The following SPHKAP variants were observed in gnomAD, a reference collection of about 807,000 sequenced individuals.
SPHKAP encodes A-kinase anchor protein SPHKAP.
A neutral mutation model predicts 137.5 loss-of-function variants in SPHKAP; 67 were observed. The ratio of observed to expected loss-of-function variants is 0.49; its 90% confidence interval spans 0.40 to 0.60. The LOEUF (loss-of-function observed/expected upper bound fraction) is 0.60. Ranked by LOEUF, SPHKAP falls within the 20% of genes least tolerant of loss-of-function variation. SPHKAP has a pLI of 0.00. For synonymous variants in SPHKAP, 813 were observed against 785.3 expected, an observed-to-expected ratio of 1.04 and a Z score of -0.59; for missense variants, 2,097 against 2,069.3, an observed-to-expected ratio of 1.01 and a Z score of -0.26.
chr2:228,030,536 C>CAAAAAACAAAAAAAAAAAAAAAAAAAAA, intron 3 of SPHKAP, among the ~76,000 whole-genome samples: 1 of 41,894 alleles, frequency 2.4e-5, no homozygotes. Context: ...AAAAAAACAA[C>CAAAAAACAAAAAAAAAAAAAAAAAAAAA]AAAAAACAAA....
chr2:228,106,674 C>T (rs1250936498), intron 3 of SPHKAP, among the ~76,000 whole-genome samples: 2 of 152,100 alleles, frequency 1.3e-5, no homozygotes, highest in African/African-American at 4.8e-5. Context: ...AGCTATTTTG[C>T]TCATGAATTC....
chr2:227,992,216 T>C (rs1693440024), intron 9 of SPHKAP, among the ~76,000 whole-genome samples: 1 of 152,252 alleles, frequency 6.6e-6, no homozygotes, highest in Non-Finnish European at 1.5e-5. Flanking sequence ...GATTCTCTCA[T>C]TCTGCTACTG....
At chr2:228,096,179 T>G (rs1462960287) in intron 3 of SPHKAP, among the ~76,000 whole-genome samples, 1 of 152,140 alleles carries the variant, frequency 6.6e-6, no homozygotes, top group Non-Finnish European at 1.5e-5. Flanking sequence ...AGCATTCTAA[T>G]GAAACCGGGA....
Position 227,991,331 on chromosome 2 carries a change from G to C in SPHKAP, c.4722-5C>G, listed in dbSNP as rs762758247. The C allele has an allele frequency of 3.7e-6, 6 of 1,613,976 alleles. No individual in the cohort carries two copies. In the East Asian group the frequency reaches 6.7e-5, roughly 18 times the overall value. ...TTCTTTTCTTCTACTAATTCACTTTGGGAGAAAACAACAGTATATGGTTGG... is the reference window on the plus strand; with the variant it reads ...TTCTTTTCTTCTACTAATTCACTTTCGGAGAAAACAACAGTATATGGTTGG... On this transcript the variant is annotated splice_region_variant and splice_polypyrimidine_tract_variant and intron_variant, in intron 9 of 11. Transcript: ENST00000392056.
In SPHKAP at chr2:228,156,709, G is replaced by A. The variant is rs187674645; in HGVS notation, c.33-24624C>T. On this transcript the variant is annotated intron_variant, in intron 1 of 11. Coordinates refer to ENST00000392056, the MANE Select transcript of SPHKAP (RefSeq NM_001142644.2). ...GTGTTGTGGGAGGGACCCTGTGAGA[G>A]GTAATTGAATCATGGGAGTAGGTCT... 3.5e-4 allele frequency among the ~76,000 whole-genome samples: 54 copies of A among 152,248 alleles called. No individual in the cohort carries two copies. The East Asian group carries it at 9.1e-3, about 26-fold the overall frequency.
intron 3 of SPHKAP, among the ~76,000 whole-genome samples, chr2:228,088,659 A>C (rs1218452031): frequency 6.6e-6 from 1 of 152,194 alleles, no homozygotes; most frequent in Non-Finnish European, 1.5e-5. Flanking sequence ...CATGGAGGTG[A>C]ATCCCTCATG....
chr2:228,016,781 C>G lies in SPHKAP; in HGVS notation c.4073G>C (p.Ser1358Thr). 1 of 1,614,100 alleles carries G rather than the reference C, an allele frequency of 6.2e-7. No homozygotes were observed. Among genetic ancestry groups the G allele is most frequent in the Non-Finnish European group, 8.5e-7 (1 of 1,180,010 alleles). ...ANRLAASRMCSGPTLLVQESL... is the reference protein window; with the variant it reads ...ANRLAASRMCTGPTLLVQESL... ...CTCCTGAACAAGCAGAGTTGGCCCA[C>G]TGCACATCCTGCTCGCAGCTAATCT... The change falls in exon 7 of 12, where the codon AGT becomes ACT. Residue 1358 changes from serine to threonine, a missense_variant. Transcript: ENST00000392056.
chr2:228,001,537 A>G (rs1390470441), intron 7 of SPHKAP, among the ~76,000 whole-genome samples: 1 of 144,986 alleles, frequency 6.9e-6, no homozygotes, highest in African/African-American at 2.5e-5. Context: ...ACATATATAT[A>G]AAAATATACA....
intron 3 of SPHKAP, among the ~76,000 whole-genome samples, chr2:228,102,793 A>ACT (rs1698219320): frequency 6.6e-6 from 1 of 152,008 alleles, no homozygotes; most frequent in African/African-American, 2.4e-5. Context: ...CCCCGGCTGG[A>ACT]GTGCAATGGT....
chr2:228,038,907 G>A lies in SPHKAP; in HGVS notation c.247-11364C>T, dbSNP rs147166689. ...CTTCCCATAAAGGTACAGGGAATAC[G>A]TACAGAAGCTACAGGAGAATTAAAT... On this transcript the variant is annotated intron_variant, in intron 3 of 11. Transcript: ENST00000392056. Among the ~76,000 whole-genome samples, 562 of 152,304 alleles carry A rather than the reference G, an allele frequency of 3.7e-3. 8 individuals carry two copies. Among genetic ancestry groups the A allele is most frequent in the East Asian group, 0.034 (178 of 5,180 alleles).
chr2:228,017,869 G>C lies in SPHKAP; in HGVS notation c.2985C>G (p.His995Gln). 1 of 1,613,994 alleles carries C rather than the reference G, an allele frequency of 6.2e-7. No homozygotes were observed. The highest frequency in any genetic ancestry group is 8.5e-7 in the Non-Finnish European group (1 of 1,179,994). Residue 995 changes from histidine (H) to glutamine (Q), a missense_variant, in exon 7 of 12, where the codon CAC becomes CAG. Transcript: ENST00000392056. ...SQGSGTAVRK[H>Q]KPPRLSEIKR... is the part of the protein sequence containing the mutation. Reference sequence around the variant, plus strand: ...TGATCTCACTGAGCCGGGGAGGCTTGTGTTTCCTCACAGCGGTCCCGCTCC... The same window carrying C: ...TGATCTCACTGAGCCGGGGAGGCTTCTGTTTCCTCACAGCGGTCCCGCTCC...
At chr2:228,059,238 C>A (rs943399449) in intron 3 of SPHKAP, among the ~76,000 whole-genome samples, 1 of 152,174 alleles carries the variant, frequency 6.6e-6, no homozygotes, top group African/African-American at 2.4e-5. Flanking sequence ...CATAAATTTT[C>A]ATTCCACTCG....
At chr2:228,036,385 A>C (rs1695594627) in intron 3 of SPHKAP, among the ~76,000 whole-genome samples, 1 of 152,070 alleles carries the variant, frequency 6.6e-6, no homozygotes, top group Non-Finnish European at 1.5e-5. Flanking sequence ...AGGAAACAAC[A>C]GGTGCTGGAG....
chr2:228,080,455 C>T (rs2106313923), intron 3 of SPHKAP, among the ~76,000 whole-genome samples: 1 of 152,192 alleles, frequency 6.6e-6, no homozygotes, highest in African/African-American at 2.4e-5. Context: ...GCCAGTAGTC[C>T]CAGCACTTTG....
chr2:228,010,537 C>T (rs1694329923), intron 7 of SPHKAP, among the ~76,000 whole-genome samples: 1 of 152,080 alleles, frequency 6.6e-6, no homozygotes, highest in African/African-American at 2.4e-5. Context: ...ATCTCAAAAA[C>T]AAAAGAAAAC....
intron 3 of SPHKAP, among the ~76,000 whole-genome samples, chr2:228,036,227 T>G (rs1695587755): frequency 6.6e-6 from 1 of 151,566 alleles, no homozygotes; most frequent in Non-Finnish European, 1.5e-5. Flanking sequence ...GCAAAGGATA[T>G]GAACAGACAC....
intron 3 of SPHKAP, among the ~76,000 whole-genome samples, chr2:228,034,871 G>T: frequency 6.6e-6 from 1 of 151,936 alleles, no homozygotes; most frequent in South Asian, 2.1e-4. Context: ...GGTATTGATG[G>T]GACATATCTC....
chr2:228,162,144 A>G (rs554133233), intron 1 of SPHKAP, among the ~76,000 whole-genome samples: 1 of 152,324 alleles, frequency 6.6e-6, no homozygotes, highest in South Asian at 2.1e-4. Flanking sequence ...TGAGCCATGT[A>G]GAGTCAGGAG....
At chr2:228,170,118 T>TA (rs1489466552) in intron 1 of SPHKAP, among the ~76,000 whole-genome samples, 1 of 152,078 alleles carries the variant, frequency 6.6e-6, no homozygotes. Context: ...GAACTAGAAT[T>TA]AAAAATGGAG....
Sources: allele counts gnomAD v4.1 joint callset (sites outside exome capture counted in the v4.1 genomes callset), GRCh38; gene constraint gnomAD v4.1.1; transcripts MANE v1.5; gene names NCBI Gene and HGNC (gene_info 2026-07-23, HGNC 2026-07-21).